Variants in SIX4 observed in about 807,000 individuals in gnomAD.
SIX4 encodes SIX homeobox 4.
In SIX4, 23 loss-of-function variants were observed where a neutral mutation model predicts 51.5. The observed-to-expected ratio is 0.45, with a 90% CI of 0.32 to 0.63. The LOEUF is 0.63. SIX4 is among the 30% of genes least tolerant of loss of function. SIX4 has a pLI of 0.04. For synonymous variants in SIX4, 413 were observed against 417.3 expected, an observed-to-expected ratio of 0.99 and a Z score of 0.13; for missense variants, 867 against 984.0, an observed-to-expected ratio of 0.88 and a Z score of 1.59.
At chr14:60,715,640 T>A (rs1294446818) in intron 2 of SIX4, among the ~76,000 whole-genome samples, 3 of 152,052 alleles carry the variant, frequency 2.0e-5, no homozygotes, top group Admixed American at 1.3e-4. Context: ...GAAAAAAAAA[T>A]GTTAAGTAGA....
In SIX4 at chr14:60,710,563, C is replaced by A. The variant is rs1895802432; in HGVS notation, c.*2844G>T. On this transcript the variant is annotated 3_prime_UTR_variant, in exon 3 of 3. Coordinates refer to ENST00000216513, the MANE Select transcript of SIX4 (RefSeq NM_017420.5). ...GGGAGTCATTTACCCCTGTTTTGAT[C>A]TTCAGGGATCATTAGAGGGTCATTT... 1 of 152,576 alleles carries A rather than the reference C, an allele frequency of 6.6e-6. No individual in the cohort carries two copies. Among genetic ancestry groups the A allele is most frequent in the African/African-American group, 2.4e-5 (1 of 41,422 alleles). The allele number at this position is 152,576 out of a possible 1,614,324, so 9.5% of individuals were successfully genotyped here.
In SIX4 at chr14:60,722,504, A is replaced by G. The variant is rs562912013; in HGVS notation, c.863+708T>C. On this transcript the variant is annotated intron_variant, in intron 1 of 2. Coordinates refer to ENST00000216513, the MANE Select transcript of SIX4 (RefSeq NM_017420.5). This position sits in a 1 kb window ranked among gnomAD's most constrained non-coding sequence, Gnocchi z 5.9. The stretch of plus-strand genomic sequence containing the variant: ...GCTGAAACCCGATCCTAAGGAGTTC[A>G]GAATCAGGTTTCAAAACATGACAGA... Among the ~76,000 whole-genome samples, 2 of 152,292 alleles carry G rather than the reference A, an allele frequency of 1.3e-5. No homozygotes were observed. The highest frequency in any genetic ancestry group is 3.9e-4 in the East Asian group (2 of 5,164).
rs1441804215 is a variant in SIX4, at chr14:60,723,192, G to A, written c.863+20C>T. ...GGGTGGGGGAGAGGAAGGGGGAGGA[G>A]GAGGAAAGTTGGCGCTCACCTTTTG... On this transcript the variant is annotated intron_variant, in intron 1 of 2. Transcript: ENST00000216513. The A allele has an allele frequency of 1.9e-6, 3 of 1,585,686 alleles. No individual in the cohort carries two copies. The highest frequency in any genetic ancestry group is 2.3e-5 in the South Asian group (2 of 87,270).
At chr14:60,723,048 T>A in intron 1 of SIX4, 164 bp downstream of exon 1, 51 of 1,389,388 alleles carry the variant, frequency 3.7e-5, no homozygotes, top group East Asian at 5.7e-5. Context: ...CGCCGCCCCC[T>A]ACCTCTGCCG....
rs1895840541 is a variant in SIX4 at position 60,712,434 on chromosome 14, T to A, written c.*973A>T. ...CACGAGGTAAAAAGGCACATAGAAT[T>A]CTATAAAAAACATATTTAAATGAAT... On this transcript the variant is annotated 3_prime_UTR_variant, in exon 3 of 3. Coordinates refer to ENST00000216513, the MANE Select transcript of SIX4 (RefSeq NM_017420.5). 6.6e-6 allele frequency: 1 copy of A among 152,576 alleles called. No individual in the cohort carries two copies. Among genetic ancestry groups the A allele is most frequent in the South Asian group, 2.1e-4 (1 of 4,828 alleles). The allele number at this position is 152,576 out of a possible 1,614,324, so 9.5% of individuals were successfully genotyped here. A position where few individuals can be genotyped will look rare whatever the true frequency, so the allele number is the denominator to read the frequency against.
intron 1 of SIX4, among the ~76,000 whole-genome samples, chr14:60,721,847 G>C (rs919488798): frequency 2.0e-5 from 3 of 152,248 alleles, no homozygotes; most frequent in Non-Finnish European, 4.4e-5. Context: ...TAACCAAAGC[G>C]CCTTCTCTGG....
At chr14:60,714,248 GAA>G in intron 2 of SIX4, 45 bp from the exon 3 acceptor site, 1 of 1,487,760 alleles carries the variant, frequency 6.7e-7, no homozygotes, top group Non-Finnish European at 8.9e-7. Flanking sequence ...AAGTGAGAGG[GAA>G]AGAAAAAAAG....
In SIX4 at chr14:60,723,811, C is replaced by A. The variant is rs1896084153; in HGVS notation, c.264G>T (p.Ser88=). Residue 88 remains serine, a synonymous_variant, in exon 1 of 3, where the codon TCG becomes TCT. Transcript: ENST00000216513. ...GAAADQVQLH[S]ELLGRHHHAA... is the part of the protein sequence containing the mutation. ...CGTGGTGGTGCCTGCCCAGAAGTTCCGAGTGGAGTTGTACCTGATCCGCCG... is the reference window on the plus strand; with the variant it reads ...CGTGGTGGTGCCTGCCCAGAAGTTCAGAGTGGAGTTGTACCTGATCCGCCG... 3 of 1,538,456 alleles carry A rather than the reference C, an allele frequency of 2.0e-6. No individual in the cohort carries two copies. Among genetic ancestry groups the A allele is most frequent in the Non-Finnish European group, 1.7e-6 (2 of 1,148,904 alleles).
intron 2 of SIX4, among the ~76,000 whole-genome samples, chr14:60,714,672 T>C (rs1440971670): frequency 7.6e-6 from 1 of 131,534 alleles, no homozygotes; most frequent in African/African-American, 3.1e-5. Flanking sequence ...TTATTATTTC[T>C]TTTTTTTTTT....
chr14:60,713,889 G>C lies in SIX4; in HGVS notation c.1864C>G (p.Leu622Val). ...VNVSPTHNFS[L>V]SPSTLLNPTE... ...GGATTTAGTAGTGTAGAGGGACTGA[G>C]AGAAAAATTGTGAGTTGGAGATACA... The change falls in exon 3 of 3, where the codon CTC becomes GTC. Residue 622 changes from leucine to valine, a missense_variant. By Grantham distance (32) the Leu-to-Val change is conservative (BLOSUM62 1). Coordinates refer to ENST00000216513, the MANE Select transcript of SIX4 (RefSeq NM_017420.5). 6.2e-7 allele frequency: 1 copy of C among 1,614,168 alleles called. No individual in the cohort carries two copies. The highest frequency in any genetic ancestry group is 2.2e-5 in the East Asian group (1 of 44,890).
chr14:60,723,093 G>A, intron 1 of SIX4, 119 bp downstream of exon 1: 5 of 1,420,664 alleles, frequency 3.5e-6, no homozygotes, highest in Non-Finnish European at 4.6e-6. Flanking sequence ...GGAGAGGTGG[G>A]CAGCCGGACC....
rs116928303 is a variant in SIX4 at position 60,716,151 on chromosome 14, G to T, written c.1550-1948C>A. On this transcript the variant is annotated intron_variant, in intron 2 of 2. Transcript: ENST00000216513. ...AAAGTGCTGGGATTATGTGAACGTG[G>T]CTCACTGCAGCCTCGATCTCCTGGG... Among the ~76,000 whole-genome samples the T allele has an allele frequency of 8.9e-4, 135 of 151,112 alleles. No individual in the cohort carries two copies. The East Asian group carries it at 0.018, about 20-fold the overall frequency.
In SIX4 at chr14:60,723,518, C is replaced by T; in HGVS notation, c.557G>A (p.Trp186Ter). 6.2e-7 allele frequency: 1 copy of T among 1,606,872 alleles called. No homozygotes were observed. Among genetic ancestry groups the T allele is most frequent in the Non-Finnish European group, 8.5e-7 (1 of 1,179,366 alleles). The change falls in exon 1 of 3, where the codon TGG becomes TAG. Residue 186 changes from tryptophan (W) to a stop codon, truncating the protein, a stop_gained. Transcript: ENST00000216513. LOFTEE classifies it high-confidence loss of function. Reference protein sequence around the residue: ...SANHPLLQQLWYKARYTEAER... With the variant: ...SANHPLLQQL ...GGCCTCGGTGTAGCGCGCCTTGTAC[C>T]AGAGCTGCTGCAGCAGCGGGTGGTT...
In SIX4 at chr14:60,724,081, T is replaced by C; in HGVS notation, c.-7A>G. The C allele has an allele frequency of 1.3e-6, 2 of 1,554,346 alleles. No individual in the cohort carries two copies. The highest frequency in any genetic ancestry group is 1.7e-6 in the Non-Finnish European group (2 of 1,148,816). ...TGGGGGAGGAAGAGGACATTTTTTG[T>C]TGTTTATTTTCCTCCCTCCCTCACT... On this transcript the variant is annotated 5_prime_UTR_variant, in exon 1 of 3. Coordinates refer to ENST00000216513, the MANE Select transcript of SIX4 (RefSeq NM_017420.5).
At position 60,709,978 on chromosome 14, in the gene SIX4, G is replaced by A. The variant is rs898882747; in HGVS notation, c.*3429C>T. The stretch of plus-strand genomic sequence containing the variant: ...TGTATCAATTAGATACAAAGTAACT[G>A]CTAGGCTCTATTATCTAAGTTTTAC... On this transcript the variant is annotated 3_prime_UTR_variant, in exon 3 of 3. Transcript: ENST00000216513. This position sits in a 1 kb window ranked among gnomAD's most constrained non-coding sequence, Gnocchi z 4.1. 15 of 152,588 alleles carry A rather than the reference G, an allele frequency of 9.8e-5. No homozygotes were observed. The highest frequency in any genetic ancestry group is 3.6e-4 in the African/African-American group (15 of 41,438). The allele number at this position is 152,588 out of a possible 1,614,324, so 9.5% of individuals were successfully genotyped here.
Position 60,723,292 on chromosome 14 carries a change from G to A in SIX4, c.783C>T (p.Gly261=). The stretch of plus-strand genomic sequence containing the variant: ...AGTTGCTGACCTGGGTGAGGGAGAG[G>A]CCGGTGATCTTGGCCAGGTGCCGCT... ...AEKRHLAKIT[G]LSLTQVSNWF... The change falls in exon 1 of 3, where the codon GGC becomes GGT. Residue 261 remains glycine (G), a synonymous_variant. Coordinates refer to ENST00000216513, the MANE Select transcript of SIX4 (RefSeq NM_017420.5). The A allele has an allele frequency of 6.2e-7, 1 of 1,613,464 alleles. No individual in the cohort carries two copies. The highest frequency in any genetic ancestry group is 1.3e-5 in the African/African-American group (1 of 75,008).
rs35674269 is a variant in SIX4, at chr14:60,711,545, G to C, written c.*1862C>G. On this transcript the variant is annotated 3_prime_UTR_variant, in exon 3 of 3. Transcript: ENST00000216513. ...TCATGCCTATAATCCCAGCACTTTG[G>C]GAGGCCGAGGCGGGCAGATCACGAG... 1 of 151,932 alleles carries C rather than the reference G, an allele frequency of 6.6e-6. No homozygotes were observed. The highest frequency in any genetic ancestry group is 6.6e-5 in the Admixed American group (1 of 15,252). 9.4% of individuals were successfully genotyped at this position (151,932 alleles called of 1,614,324 possible). A position where few individuals can be genotyped will look rare whatever the true frequency, so the allele number is the denominator to read the frequency against.
chr14:60,722,726 G>A lies in SIX4; in HGVS notation c.863+486C>T, dbSNP rs1896045790. On this transcript the variant is annotated intron_variant, in intron 1 of 2. Coordinates refer to ENST00000216513, the MANE Select transcript of SIX4 (RefSeq NM_017420.5). The surrounding 1 kb of genome is among the most constrained non-coding windows in gnomAD (Gnocchi z 5.9). ...AGGCCCGGGGGGCGGCTGAACCCTG[G>A]GGATCCGGGAGCGTGCGCGCGCGCC... 6.6e-6 allele frequency among the ~76,000 whole-genome samples: 1 copy of A among 152,048 alleles called. No homozygotes were observed. The highest frequency in any genetic ancestry group is 1.9e-4 in the East Asian group (1 of 5,158).
At chr14:60,714,909 C>A (rs562753053) in intron 2 of SIX4, among the ~76,000 whole-genome samples, 2 of 151,368 alleles carry the variant, frequency 1.3e-5, no homozygotes, top group South Asian at 4.2e-4. Flanking sequence ...TGTGATCCAC[C>A]CACCTCGGCC....
Sources: allele counts gnomAD v4.1 joint callset (sites outside exome capture counted in the v4.1 genomes callset), GRCh38; gene constraint gnomAD v4.1.1; non-coding constraint Gnocchi (gnomAD v3.1); transcripts MANE v1.5; gene names NCBI Gene and HGNC (gene_info 2026-07-23, HGNC 2026-07-21).